ANKRD36C: variants seen among roughly 807,000 people sequenced by gnomAD.
The protein encoded by ANKRD36C is ankyrin repeat domain-containing protein 36C.
A neutral mutation model predicts 276.4 loss-of-function variants in ANKRD36C; 61 were observed. The observed-to-expected ratio is 0.22, with a 90% CI of 0.18 to 0.27. The LOEUF is 0.27. Among genes scored for constraint, ANKRD36C ranks in the 10% least tolerant of loss-of-function variants. The pLI, the probability that ANKRD36C is intolerant of heterozygous loss-of-function variation, is 1.00. For synonymous variants in ANKRD36C, 483 were observed against 680.1 expected (o/e 0.71, Z 4.51); for missense variants, 1,447 against 2,032.3 (o/e 0.71, Z 5.54).
Position 95,852,122 on chromosome 2 carries a change from T to C in ANKRD36C, c.5219+4A>G. On this transcript the variant is annotated splice_donor_region_variant and intron_variant, in intron 65 of 66. Coordinates refer to ENST00000456556, the Ensembl canonical transcript of ANKRD36C. Reference sequence around the variant, plus strand: ...GTTATTTTGTGTGCTGCTTCAAATTTTACTTTTGTGCGTCGCCTTCCATCT... The same window carrying C: ...GTTATTTTGTGTGCTGCTTCAAATTCTACTTTTGTGCGTCGCCTTCCATCT... 1.2e-6 allele frequency: 2 copies of C among 1,607,264 alleles called. No homozygotes were observed. Among genetic ancestry groups the C allele is most frequent in the Non-Finnish European group, 1.7e-6 (2 of 1,176,164 alleles).
In ANKRD36C at chr2:95,918,420, C is replaced by A. The variant is rs537999526; in HGVS notation, c.2246-378G>T. Reference sequence around the variant, plus strand: ...TACATGATCCCACATGTCTTTCATGCAGGAAATCAAAAGGATTTACACCAT... The same window carrying A: ...TACATGATCCCACATGTCTTTCATGAAGGAAATCAAAAGGATTTACACCAT... On this transcript the variant is annotated intron_variant, in intron 34 of 66. Coordinates refer to ENST00000456556, the Ensembl canonical transcript of ANKRD36C. 1.7e-3 allele frequency among the ~76,000 whole-genome samples: 260 copies of A among 151,744 alleles called. 2 individuals are homozygous for A. The highest frequency in any genetic ancestry group is 7.3e-3 in the South Asian group (35 of 4,826).
intron 17 of ANKRD36C, among the ~76,000 whole-genome samples, chr2:95,946,922 G>A (rs991530416): frequency 3.3e-5 from 5 of 151,850 alleles, no homozygotes; most frequent in African/African-American, 1.2e-4. Flanking sequence ...GTGGGGGTAG[G>A]GGGGAGGGAT....
chr2:95,962,151 G>A (rs1678475041), intron 8 of ANKRD36C, among the ~76,000 whole-genome samples: 1 of 151,914 alleles, frequency 6.6e-6, no homozygotes, highest in African/African-American at 2.4e-5. Context: ...TTCACTGTGG[G>A]GAAGAACATA....
At chr2:95,910,317 G>C (rs1163130323) in intron 42 of ANKRD36C, 56 bp downstream of exon 46, 1 of 1,490,904 alleles carries the variant, frequency 6.7e-7, no homozygotes, top group Non-Finnish European at 9.0e-7. Context: ...ATTTGGAGAA[G>C]AGAACTTCTT....
chr2:95,893,795 G>A (rs542416256), intron 44 of ANKRD36C, 71 bp from the exon 63 acceptor site: 3 of 1,598,124 alleles, frequency 1.9e-6, no homozygotes, highest in African/African-American at 1.3e-5. Context: ...TTCATGCAGA[G>A]TTAGCATCAA....
intron 59 of ANKRD36C, among the ~76,000 whole-genome samples, chr2:95,870,642 G>A (rs1158083982): frequency 6.6e-6 from 1 of 152,204 alleles, no homozygotes; most frequent in Non-Finnish European, 1.5e-5. Flanking sequence ...TTCCTCACCA[G>A]CAACAGAACA....
Position 95,852,119 on chromosome 2 carries a change from A to G in ANKRD36C, c.5219+7T>C. The G allele has an allele frequency of 6.2e-7, 1 of 1,606,484 alleles. No homozygotes were observed. Among genetic ancestry groups the G allele is most frequent in the South Asian group, 1.1e-5 (1 of 90,680 alleles). Reference sequence around the variant, plus strand: ...CAAGTTATTTTGTGTGCTGCTTCAAATTTTACTTTTGTGCGTCGCCTTCCA... The same window carrying G: ...CAAGTTATTTTGTGTGCTGCTTCAAGTTTTACTTTTGTGCGTCGCCTTCCA... On this transcript the variant is annotated splice_region_variant and intron_variant, in intron 65 of 66. Coordinates refer to ENST00000456556, the Ensembl canonical transcript of ANKRD36C.
chr2:95,948,109 G>C (rs1293973216), intron 17 of ANKRD36C, among the ~76,000 whole-genome samples: 1 of 152,158 alleles, frequency 6.6e-6, no homozygotes, highest in Non-Finnish European at 1.5e-5. Flanking sequence ...GTGATTCCAT[G>C]ATTCCCATAA....
At chr2:95,867,038 T>A (rs1675696281) in intron 60 of ANKRD36C, among the ~76,000 whole-genome samples, 1 of 152,160 alleles carries the variant, frequency 6.6e-6, no homozygotes, top group Non-Finnish European at 1.5e-5. Context: ...GGTAACATGA[T>A]CAGGTGTGAT....
At chr2:95,916,457 G>A (rs1300343257) in intron 36 of ANKRD36C, among the ~76,000 whole-genome samples, 1 of 151,638 alleles carries the variant, frequency 6.6e-6, no homozygotes. Context: ...GCTGAGTGAT[G>A]AGGACAAATG....
chr2:95,912,665 C>T (rs114494400), intron 40 of ANKRD36C, among the ~76,000 whole-genome samples: 3,568 of 151,258 alleles, frequency 0.024, 139 homozygotes, highest in African/African-American at 0.082. Flanking sequence ...TGATTTGTCA[C>T]GTGTCGAAAC....
chr2:95,891,696 T>C, exon 46 of ANKRD36C: 2 of 1,576,308 alleles, frequency 1.3e-6, no homozygotes, highest in Non-Finnish European at 1.7e-6. Flanking sequence ...GCTTTTTTCC[T>C]CTGGCTATAT....
chr2:95,914,299 A>C, exon 39 of ANKRD36C: 1 of 1,548,882 alleles, frequency 6.5e-7, no homozygotes, highest in African/African-American at 1.4e-5. Context: ...GTTTCTCAGA[A>C]GTCACTGAAA....
At chr2:95,946,156 G>GAAAAAAAAAAAAAAAAAAAAAAAA (rs56964568) in intron 17 of ANKRD36C, among the ~76,000 whole-genome samples, 5 of 73,302 alleles carry the variant, frequency 6.8e-5, no homozygotes, top group Non-Finnish European at 1.0e-4. Context: ...ACAGAGAGAG[G>GAAAAAAAAAAAAAAAAAAAAAAAA]AAAAAAAAAA....
downstream of ANKRD36C, among the ~76,000 whole-genome samples, chr2:95,850,911 A>C (rs531170434): frequency 6.6e-6 from 1 of 152,202 alleles, no homozygotes; most frequent in African/African-American, 2.4e-5. Context: ...AGAAAAGTGT[A>C]GGGCCAGAAA....
intron 59 of ANKRD36C, among the ~76,000 whole-genome samples, chr2:95,870,662 G>T (rs1311009102): frequency 6.6e-6 from 1 of 152,240 alleles, no homozygotes; most frequent in South Asian, 2.1e-4. Flanking sequence ...AAAGCTGGAC[G>T]GAGAATGACT....
rs1209725740 is a variant in ANKRD36C, at chr2:95,920,661, A to G, written c.2245+946T>C. ...CATACTTCTACAAAGTAAAACTGCTACAAGCATTAGATATTGAGCAGTTTT... is the reference window on the plus strand; with the variant it reads ...CATACTTCTACAAAGTAAAACTGCTGCAAGCATTAGATATTGAGCAGTTTT... On this transcript the variant is annotated intron_variant, in intron 34 of 66. Coordinates refer to ENST00000456556, the Ensembl canonical transcript of ANKRD36C. Among the ~76,000 whole-genome samples the G allele has an allele frequency of 1.7e-4, 22 of 127,798 alleles. 3 individuals are homozygous for G. Among genetic ancestry groups the G allele is most frequent in the African/African-American group, 5.6e-4 (21 of 37,482 alleles). 83.8% of individuals were successfully genotyped at this position (127,798 alleles called of 152,430 possible).
chr2:95,866,222 G>A (rs1192331405), intron 60 of ANKRD36C, among the ~76,000 whole-genome samples: 2 of 151,966 alleles, frequency 1.3e-5, no homozygotes, highest in Non-Finnish European at 2.9e-5. Context: ...TTGTGACCTT[G>A]TGCTAGGCAA....
intron 59 of ANKRD36C, among the ~76,000 whole-genome samples, chr2:95,870,093 G>A (rs1675771485): frequency 1.3e-5 from 2 of 152,196 alleles, no homozygotes; most frequent in South Asian, 4.1e-4. Context: ...AGGGCACAGA[G>A]AAACAAAAAG....
Sources: allele counts gnomAD v4.1 joint callset (sites outside exome capture counted in the v4.1 genomes callset), GRCh38; gene constraint gnomAD v4.1.1; transcripts MANE v1.5; gene names NCBI Gene and HGNC (gene_info 2026-07-23, HGNC 2026-07-21).